FCN3: variants seen among roughly 807,000 people sequenced by gnomAD.
FCN3 encodes the protein ficolin 3.
In FCN3, 28 loss-of-function variants were observed where a neutral mutation model predicts 31.5. The observed-to-expected ratio is 0.89, with a 90% CI of 0.66 to 1.22. The LOEUF (loss-of-function observed/expected upper bound fraction) is 1.22, where lower values mean the gene tolerates loss of function less well. Ranked by LOEUF, FCN3 falls within the 50% of genes most tolerant of loss-of-function variation. FCN3 has a pLI of 0.00. For missense variants in FCN3, 351 were observed against 386.8 expected, an observed-to-expected ratio of 0.91 and a Z score of 0.78; for synonymous variants, 124 against 147.4, an observed-to-expected ratio of 0.84 and a Z score of 1.15.
Position 27,369,121 on chromosome 1 carries a change from A to G in FCN3, c.*115T>C. 7.7e-7 allele frequency: 1 copy of G among 1,305,210 alleles called. No individual in the cohort carries two copies. The highest frequency in any genetic ancestry group is 2.4e-5 in the East Asian group (1 of 41,292). The allele number at this position is 1,305,210 out of a possible 1,614,324, so 80.9% of individuals were successfully genotyped here. ...TAACTGGAAGAGTCTTGAAAGGGCT[A>G]AAATGATTTTATTTTTAAATGTGGA... On this transcript the variant is annotated 3_prime_UTR_variant, in exon 8 of 8. Transcript: ENST00000270879.
intron 3 of FCN3, 66 bp downstream of exon 3, chr1:27,373,899 A>T: frequency 2.9e-6 from 4 of 1,376,426 alleles, no homozygotes; most frequent in Non-Finnish European, 4.1e-6. Context: ...CCAAGCAGAG[A>T]TCCCACCCTA....
intron 4 of FCN3, 86 bp from the exon 5 acceptor site, chr1:27,373,349 G>C: frequency 1.2e-6 from 2 of 1,602,334 alleles, no homozygotes; most frequent in Non-Finnish European, 1.7e-6. Context: ...TGGGACCCTA[G>C]GGACCCTCTT....
chr1:27,369,498 A>G (rs2016101204), intron 7 of FCN3, 21 bp from the exon 8 acceptor site: 2 of 1,611,180 alleles, frequency 1.2e-6, no homozygotes, highest in East Asian at 4.5e-5. Flanking sequence ...AGGGATGGAA[A>G]GCACCTTGGT....
intron 5 of FCN3, among the ~76,000 whole-genome samples, chr1:27,372,619 C>A (rs1469751575): frequency 1.3e-5 from 2 of 152,186 alleles, no homozygotes; most frequent in Non-Finnish European, 2.9e-5. Flanking sequence ...CTGGCCTTTA[C>A]AGAGGTCCTC....
intron 7 of FCN3, 46 bp downstream of exon 7, chr1:27,370,550 G>C (rs1462182650): frequency 6.4e-7 from 1 of 1,558,164 alleles, no homozygotes; most frequent in East Asian, 2.2e-5. Flanking sequence ...GGCAGCACTG[G>C]GAAAGGATCC....
rs766170878 is a variant in FCN3 at position 27,374,366 on chromosome 1, T to C, written c.177A>G (p.Pro59=). 6.2e-7 allele frequency: 1 copy of C among 1,612,220 alleles called. No individual in the cohort carries two copies. The highest frequency in any genetic ancestry group is 1.7e-5 in the Admixed American group (1 of 59,986). ...CCCAGCCCCTCTCACCTTGAGGACC[T>C]GGGGCTCCCTTCTCCCCAGGACTTC... is the stretch of plus-strand genomic sequence containing the variant. ...APGSPGEKGA[P]GPQGPPGPPG... is the part of the protein sequence containing the mutation. The change falls in exon 2 of 8, where the codon CCA becomes CCG. Residue 59 remains proline (P), a synonymous_variant. Transcript: ENST00000270879.
chr1:27,369,552 G>A (rs1437664792), intron 7 of FCN3, 75 bp from the exon 8 acceptor site: 4 of 1,394,040 alleles, frequency 2.9e-6, no homozygotes, highest in Admixed American at 1.8e-5. Flanking sequence ...AATGCCATGG[G>A]AGTCTCAGAG....
chr1:27,369,865 C>T (rs1030777367), intron 7 of FCN3, among the ~76,000 whole-genome samples: 1 of 152,170 alleles, frequency 6.6e-6, no homozygotes, highest in Non-Finnish European at 1.5e-5. Context: ...AACCACTTCC[C>T]TCTTTTAAAT....
intron 5 of FCN3, among the ~76,000 whole-genome samples, chr1:27,371,406 T>C (rs1451712883): frequency 6.6e-6 from 1 of 152,008 alleles, no homozygotes; most frequent in African/African-American, 2.4e-5. Context: ...TGAAATCCCG[T>C]CTCTACTAAA....
intron 3 of FCN3, 59 bp downstream of exon 3, chr1:27,373,906 C>T (rs199525271): frequency 2.0e-5 from 29 of 1,446,492 alleles, no homozygotes; most frequent in Non-Finnish European, 2.0e-5. Context: ...GAGATCCCAC[C>T]CTAGAGTCCA....
In FCN3 at chr1:27,369,145, G is replaced by T; in HGVS notation, c.*91C>A. On this transcript the variant is annotated 3_prime_UTR_variant, in exon 8 of 8. Coordinates refer to ENST00000270879, the MANE Select transcript of FCN3 (RefSeq NM_003665.4). ...TAAAATGATTTTATTTTTAAATGTG[G>T]ACAGGCAAGCAGAGGTGGTTGGCAA... 1.4e-6 allele frequency: 2 copies of T among 1,454,300 alleles called. No individual in the cohort carries two copies. Among genetic ancestry groups the T allele is most frequent in the Admixed American group, 3.7e-5 (2 of 54,244 alleles). The allele number at this position is 1,454,300 out of a possible 1,614,324, so 90.1% of individuals were successfully genotyped here.
chr1:27,370,447 G>A, intron 7 of FCN3, 149 bp downstream of exon 7: 1 of 695,584 alleles, frequency 1.4e-6, no homozygotes, highest in Non-Finnish European at 2.4e-6. Context: ...CTTCACTGTT[G>A]CACCATCCTG....
rs1395225738 is a variant in FCN3, at chr1:27,374,163, T to G, written c.188-154A>C. The G allele has an allele frequency of 1.5e-5, 11 of 751,690 alleles. No individual in the cohort carries two copies. The Admixed American group carries it at 2.8e-4, about 19-fold the overall frequency. 46.6% of individuals were successfully genotyped at this position (751,690 alleles called of 1,614,324 possible). A position where few individuals can be genotyped will look rare whatever the true frequency, so the allele number is the denominator to read the frequency against. On this transcript the variant is annotated intron_variant, in intron 2 of 7. Coordinates refer to ENST00000270879, the MANE Select transcript of FCN3 (RefSeq NM_003665.4). ...TATCTTATCCTCTCTGAACCTCCCTTTCCTCCTCAGCAGAATGGGGATGAA... is the reference window on the plus strand; with the variant it reads ...TATCTTATCCTCTCTGAACCTCCCTGTCCTCCTCAGCAGAATGGGGATGAA...
intron 7 of FCN3, among the ~76,000 whole-genome samples, chr1:27,369,796 T>G (rs2016109483): frequency 6.6e-6 from 1 of 151,532 alleles, no homozygotes; most frequent in African/African-American, 2.4e-5. Flanking sequence ...TAGGAAAAGC[T>G]GGGAGGAACC....
chr1:27,370,506 G>T, intron 7 of FCN3, 90 bp downstream of exon 7: 1 of 1,121,728 alleles, frequency 8.9e-7, no homozygotes, highest in Non-Finnish European at 1.3e-6. Flanking sequence ...CCACAGAGGA[G>T]ACAGGATTGC....
At chr1:27,373,705 C>A in intron 3 of FCN3, 185 bp from the exon 4 acceptor site, 1 of 688,926 alleles carries the variant, frequency 1.5e-6, no homozygotes, top group Non-Finnish European at 2.5e-6. Context: ...TCCTCCCAGC[C>A]TTCCAAACCC....
rs914913323 is a variant in FCN3, at chr1:27,369,446, G to A, written c.690C>T (p.Pro230=). Residue 230 remains proline, a synonymous_variant, in exon 8 of 8, where the codon CCC becomes CCT. Transcript: ENST00000270879. ...CGTGGTCAGCGTCATAGGTGGTAAA[G>A]GGCCTCCCACTGTGGAGGCTCAGGG... is the stretch of plus-strand genomic sequence containing the variant. ...GDSLSLHSGR[P]FTTYDADHDS... The A allele has an allele frequency of 1.9e-6, 3 of 1,614,074 alleles. No individual in the cohort carries two copies. Among genetic ancestry groups the A allele is most frequent in the Non-Finnish European group, 2.5e-6 (3 of 1,180,012 alleles).
rs748889216 is a variant in FCN3 at position 27,370,618 on chromosome 1, G to C, written c.636C>G (p.Gly212=). ...GEVDHYQLAL[G]KFSEGTAGDS... is the part of the protein sequence containing the mutation. ...CACCTGCAGTGCCCTCTGAGAACTT[G>C]CCCAGTGCCAGCTGGTAGTGGTCTA... is the stretch of plus-strand genomic sequence containing the variant. The change falls in exon 7 of 8, where the codon GGC becomes GGG. Residue 212 remains glycine, a synonymous_variant. Transcript: ENST00000270879. The C allele has an allele frequency of 6.2e-7, 1 of 1,614,208 alleles. No individual in the cohort carries two copies. Among genetic ancestry groups the C allele is most frequent in the South Asian group, 1.1e-5 (1 of 91,088 alleles).
chr1:27,369,290 G>A lies in FCN3; in HGVS notation c.846C>T (p.Ala282=). The A allele has an allele frequency of 6.2e-7, 1 of 1,614,260 alleles. No individual in the cohort carries two copies. The highest frequency in any genetic ancestry group is 8.5e-7 in the Non-Finnish European group (1 of 1,180,050). Residue 282 remains alanine, a synonymous_variant, in exon 8 of 8, where the codon GCC becomes GCT. Transcript: ENST00000270879. ...AAAHKYGIDW[A]SGRGVGHPYR... is the part of the protein sequence containing the mutation. The stretch of plus-strand genomic sequence containing the variant: ...AGGGGTGGCCCACACCACGGCCTGA[G>A]GCCCAGTCAATGCCATATTTGTGGG...
Sources: gnomAD v4.1 joint callset for allele counts (sites outside exome capture counted in the v4.1 genomes callset) on GRCh38, gnomAD v4.1.1 for gene constraint, MANE v1.5 for transcripts, NCBI Gene and HGNC (gene_info 2026-07-23, HGNC 2026-07-21) for gene names.